The following DPP6 variants were observed in gnomAD, a reference collection of about 807,000 sequenced individuals.
DPP6 encodes dipeptidyl peptidase like 6.
Under a neutral mutation model 122.6 loss-of-function variants are expected in DPP6, and 69 were observed. That is an observed-to-expected ratio of 0.56 (90% CI 0.46 to 0.69). The LOEUF is 0.69. Ranked by LOEUF, DPP6 falls within the 30% of genes least tolerant of loss-of-function variation. The pLI, the probability that DPP6 is intolerant of heterozygous loss-of-function variation, is 0.00. For missense variants in DPP6, 928 were observed against 1,116.9 expected (o/e 0.83, Z 2.41); for synonymous variants, 418 against 433.1 (o/e 0.97, Z 0.43).
At chr7:154,862,010 T>C (rs10242745) in intron 17 of DPP6, among the ~76,000 whole-genome samples, 3,707 of 152,294 alleles carry the variant, frequency 0.024, 110 homozygotes, top group African/African-American at 0.061. Context: ...ATCTATTGAT[T>C]TTTAGCTCAG....
chr7:154,188,767 C>G (rs1205410168), intron 1 of DPP6, among the ~76,000 whole-genome samples: 3 of 152,182 alleles, frequency 2.0e-5, no homozygotes, highest in Non-Finnish European at 4.4e-5. Flanking sequence ...CAACAAGCCT[C>G]TATGTACTTA....
At position 154,716,960 on chromosome 7, in the gene DPP6, A is replaced by T. The variant is rs139608550; in HGVS notation, c.763-10807A>T. ...GCGATTCTCCTGCCTCAGCCTCCCAAGTAACTGGGATTACAGGCGTGCACC... is the reference window on the plus strand; with the variant it reads ...GCGATTCTCCTGCCTCAGCCTCCCATGTAACTGGGATTACAGGCGTGCACC... On this transcript the variant is annotated intron_variant, in intron 7 of 25. Transcript: ENST00000377770. Among the ~76,000 whole-genome samples, 526 of 152,102 alleles carry T rather than the reference A, an allele frequency of 3.5e-3. 3 individuals carry two copies. Among genetic ancestry groups the T allele is most frequent in the African/African-American group, 0.012 (493 of 41,470 alleles).
chr7:154,423,020 G>C (rs1817607217), intron 1 of DPP6, among the ~76,000 whole-genome samples: 3 of 152,128 alleles, frequency 2.0e-5, no homozygotes. Context: ...TCGGCTTGTT[G>C]AAAGTTCACA....
At chr7:154,071,977 A>T (rs1474327313) in intron 1 of DPP6, among the ~76,000 whole-genome samples, 1 of 152,184 alleles carries the variant, frequency 6.6e-6, no homozygotes, top group African/African-American at 2.4e-5. Context: ...AATCATTTTC[A>T]TCCACGTGCC....
At chr7:154,813,080 T>G (rs938134161) in intron 16 of DPP6, among the ~76,000 whole-genome samples, 1 of 143,980 alleles carries the variant, frequency 6.9e-6, no homozygotes, top group African/African-American at 2.5e-5. Context: ...TTAGGTTAAT[T>G]CCTCAATTTT....
chr7:154,246,946 C>T lies in DPP6; in HGVS notation c.243+193883C>T, dbSNP rs1802019441. Among the ~76,000 whole-genome samples the T allele has an allele frequency of 2.6e-5, 4 of 152,156 alleles. No homozygotes were observed. The South Asian group carries it at 8.3e-4, about 32-fold the overall frequency. On this transcript the variant is annotated intron_variant, in intron 1 of 25. Transcript: ENST00000377770. ...TTCTCAAGTAGAACCGAAAAAGTTC[C>T]TACCATAAAAAAATTGATCAATTGG...
At chr7:154,629,043 C>T (rs1218308210) in intron 5 of DPP6, among the ~76,000 whole-genome samples, 2 of 152,108 alleles carry the variant, frequency 1.3e-5, no homozygotes, top group South Asian at 2.1e-4. Context: ...GGAATATGTA[C>T]AGGACATTGC....
intron 1 of DPP6, among the ~76,000 whole-genome samples, chr7:154,091,370 T>C (rs1585356076): frequency 6.6e-6 from 1 of 152,208 alleles, no homozygotes. Context: ...TATGGCTTTC[T>C]GTTGAGCAGA....
chr7:154,306,133 G>T (rs181257748), intron 1 of DPP6, among the ~76,000 whole-genome samples: 8 of 152,316 alleles, frequency 5.3e-5, no homozygotes, highest in Admixed American at 5.2e-4. Flanking sequence ...AGACGGTCGG[G>T]ATAAAGGAGG....
At position 154,863,332 on chromosome 7, in the gene DPP6, T is replaced by C. The variant is rs921748766; in HGVS notation, c.1715-4663T>C. Among the ~76,000 whole-genome samples the C allele has an allele frequency of 1.7e-4, 26 of 151,214 alleles. No individual in the cohort carries two copies. Among genetic ancestry groups the C allele is most frequent in the African/African-American group, 6.3e-4 (26 of 41,080 alleles). On this transcript the variant is annotated intron_variant, in intron 17 of 25. Transcript: ENST00000377770. The surrounding 1 kb of genome is among the most constrained non-coding windows in gnomAD (Gnocchi z 4.1). ...GCATCTTGGCCCCAAGATTCTACAA[T>C]CCTTTCATAGGATTTTTTTTTTTTT...
rs917846271 is a variant in DPP6, at chr7:154,213,790, C to T, written c.243+160727C>T. ...AGCAGTCTTAGCTGTGCCCGTCATG[C>T]GGTCCCTTGAGACAAATGCATTCGG... On this transcript the variant is annotated intron_variant, in intron 1 of 25. Transcript: ENST00000377770. Among the ~76,000 whole-genome samples the T allele has an allele frequency of 6.6e-5, 10 of 152,206 alleles. No homozygotes were observed. In the East Asian group the frequency reaches 7.8e-4, roughly 12 times the overall value.
intron 3 of DPP6, among the ~76,000 whole-genome samples, chr7:154,499,168 A>G (rs1399204348): frequency 6.6e-6 from 1 of 152,176 alleles, no homozygotes; most frequent in Non-Finnish European, 1.5e-5. Context: ...GGAGGACAGA[A>G]TGGGTTTGGG....
chr7:153,891,018 ATTTTTTTT>A (rs71182849), intron 1 of DPP6, among the ~76,000 whole-genome samples: 4 of 59,182 alleles, frequency 6.8e-5, no homozygotes, highest in African/African-American at 1.4e-4. Context: ...TTCTATTTTA[ATTTTTTTT>A]TTTTTTTTTT....
rs192830483 is a variant in DPP6 at position 154,202,980 on chromosome 7, A to G, written c.243+149917A>G. Among the ~76,000 whole-genome samples the G allele has an allele frequency of 2.0e-3, 305 of 152,302 alleles. 3 individuals are homozygous for G. Among genetic ancestry groups the G allele is most frequent in the Non-Finnish European group, 2.1e-3 (142 of 68,028 alleles). ...ACAGGCCAGGGTTTGACTTAGGAGT[A>G]CATAATAAGGATTGACAATCAGGAC... On this transcript the variant is annotated intron_variant, in intron 1 of 25. Coordinates refer to ENST00000377770, the MANE Select transcript of DPP6 (RefSeq NM_130797.4).
intron 1 of DPP6, among the ~76,000 whole-genome samples, chr7:154,138,421 G>C (rs1298848720): frequency 6.6e-6 from 1 of 152,164 alleles, no homozygotes; most frequent in Non-Finnish European, 1.5e-5. Context: ...AGGAATGCTG[G>C]GATCAGGCAG....
chr7:154,636,441 T>C (rs1387502875), intron 5 of DPP6, among the ~76,000 whole-genome samples: 1 of 152,126 alleles, frequency 6.6e-6, no homozygotes, highest in Non-Finnish European at 1.5e-5. Flanking sequence ...GAAAAAGGAG[T>C]TAAGTTCCTG....
the DPP6 span, among the ~76,000 whole-genome samples, chr7:153,778,262 G>T: frequency 1.3e-5 from 2 of 151,568 alleles, no homozygotes; most frequent in African/African-American, 4.9e-5. Context: ...AAACCCTGGG[G>T]TGTTGGAGGG....
chr7:154,765,609 T>A (rs1795844277), intron 8 of DPP6, among the ~76,000 whole-genome samples: 1 of 152,016 alleles, frequency 6.6e-6, no homozygotes, highest in African/African-American at 2.4e-5. Context: ...TGACAAAAAA[T>A]GAAAAATACC....
chr7:154,670,765 A>C (rs558810448), intron 7 of DPP6, among the ~76,000 whole-genome samples: 1 of 152,346 alleles, frequency 6.6e-6, no homozygotes, highest in South Asian at 2.1e-4. Context: ...GCTGTCATCT[A>C]TCTTACAAAT....
Sources: gnomAD v4.1 joint callset for allele counts (sites outside exome capture counted in the v4.1 genomes callset) on GRCh38, gnomAD v4.1.1 for gene constraint, Gnocchi (gnomAD v3.1) non-coding constraint, MANE v1.5 for transcripts, NCBI Gene and HGNC (gene_info 2026-07-23, HGNC 2026-07-21) for gene names.